GPALPP1: variants seen among roughly 807,000 people sequenced by gnomAD.
GPALPP1 encodes GPALPP motifs containing 1, also known as GPALPP motifs-containing protein 1.
In GPALPP1, 30 loss-of-function variants were observed where a neutral mutation model predicts 38.9. The observed-to-expected ratio is 0.77, with a 90% CI of 0.58 to 1.05. The LOEUF is 1.05. GPALPP1 is among the 50% of genes least tolerant of loss of function. The probability of loss-of-function intolerance (pLI) is 0.00; values close to 1 mark genes in which losing one functional copy is unlikely to be tolerated. For missense variants in GPALPP1, 384 were observed against 408.8 expected (o/e 0.94, Z 0.52); for synonymous variants, 120 against 139.2 (o/e 0.86, Z 0.97).
intron 1 of GPALPP1, among the ~76,000 whole-genome samples, chr13:44,995,129 G>A (rs1215511498): frequency 6.8e-6 from 1 of 146,512 alleles, no homozygotes; most frequent in African/African-American, 2.6e-5. Flanking sequence ...TGGGATTACA[G>A]GCGTGAGCCA....
intron 1 of GPALPP1, among the ~76,000 whole-genome samples, chr13:44,998,795 C>G (rs991059562): frequency 3.9e-4 from 60 of 152,206 alleles, no homozygotes; most frequent in African/African-American, 1.4e-3. Context: ...TGTAAAGGAC[C>G]AGATAGTAAA....
chr13:45,024,279 T>TGTGTGTGTGC (rs1555257070), intron 7 of GPALPP1, among the ~76,000 whole-genome samples: 1 of 145,834 alleles, frequency 6.9e-6, no homozygotes, highest in East Asian at 2.2e-4. Flanking sequence ...TGTGTGTGTG[T>TGTGTGTGTGC]GTGTGTGTGT....
downstream of GPALPP1, chr13:45,030,692 A>G (rs757046648): frequency 6.6e-6 from 1 of 152,060 alleles, no homozygotes; most frequent in Non-Finnish European, 1.5e-5. Flanking sequence ...CCAAGACACA[A>G]ATTTTTAATG....
intron 4 of GPALPP1, 149 bp from the exon 5 acceptor site, chr13:45,014,803 C>A: frequency 1.8e-6 from 1 of 565,916 alleles, no homozygotes. Context: ...GGAAAAAGTC[C>A]TCATGGTTCA....
chr13:45,016,582 T>C (rs1245682885), intron 6 of GPALPP1, among the ~76,000 whole-genome samples: 1 of 152,260 alleles, frequency 6.6e-6, no homozygotes, highest in Non-Finnish European at 1.5e-5. Context: ...GTATCCCCAG[T>C]ACTACTCCTT....
intron 5 of GPALPP1, 29 bp downstream of exon 5, chr13:45,015,112 C>T: frequency 7.2e-7 from 1 of 1,381,868 alleles, no homozygotes; most frequent in South Asian, 1.3e-5. Context: ...TTAAGAAATA[C>T]ACTAAATAGA....
intron 1 of GPALPP1, among the ~76,000 whole-genome samples, chr13:44,991,676 G>A (rs188273260): frequency 2.0e-5 from 3 of 152,182 alleles, no homozygotes; most frequent in East Asian, 3.9e-4. Flanking sequence ...CAGTACCAAT[G>A]GCCTTCACAT....
At chr13:44,991,602 C>T (rs974356898) in intron 1 of GPALPP1, among the ~76,000 whole-genome samples, 3 of 152,332 alleles carry the variant, frequency 2.0e-5, no homozygotes, top group Admixed American at 6.5e-5. Context: ...GAACCTAAAA[C>T]GGTTGCCAAA....
intron 1 of GPALPP1, among the ~76,000 whole-genome samples, chr13:44,997,876 G>A (rs959767356): frequency 6.6e-6 from 1 of 152,064 alleles, no homozygotes; most frequent in African/African-American, 2.4e-5. Flanking sequence ...TACCCCTTGT[G>A]AGCCTACAGC....
intron 1 of GPALPP1, among the ~76,000 whole-genome samples, chr13:44,995,916 T>G (rs529619361): frequency 6.6e-6 from 1 of 152,226 alleles, no homozygotes; most frequent in East Asian, 1.9e-4. Flanking sequence ...CTATCTGTAG[T>G]TATTGTGCTG....
intron 4 of GPALPP1, among the ~76,000 whole-genome samples, chr13:45,012,338 G>GA (rs773041647): frequency 3.3e-5 from 5 of 151,882 alleles, no homozygotes; most frequent in East Asian, 1.9e-4. Flanking sequence ...AAATGGTTCT[G>GA]AAAAAAAGTG....
intron 1 of GPALPP1, among the ~76,000 whole-genome samples, chr13:44,997,149 C>G (rs2137955060): frequency 6.6e-6 from 1 of 151,214 alleles, no homozygotes; most frequent in Non-Finnish European, 1.5e-5. Context: ...AAGTTTCATC[C>G]ATGTGGTAGC....
At chr13:45,019,034 CATAGAAAT>C (rs1566082002) in intron 6 of GPALPP1, among the ~76,000 whole-genome samples, 12 of 12,408 alleles carry the variant, frequency 9.7e-4, no homozygotes, top group Non-Finnish European at 1.8e-3. Context: ...TAAATATATA[CATAGAAAT>C]ATATAAATAT....
chr13:45,021,680 TAAACTTTGCATCA>T (rs577000942), intron 7 of GPALPP1, among the ~76,000 whole-genome samples: 1 of 151,620 alleles, frequency 6.6e-6, no homozygotes, highest in African/African-American at 2.4e-5. Context: ...ACTCAAAATT[TAAACTTTGCATCA>T]AAGAAAAAAT....
chr13:45,025,096 G>A (rs1161674911), intron 7 of GPALPP1, among the ~76,000 whole-genome samples: 1 of 152,084 alleles, frequency 6.6e-6, no homozygotes, highest in African/African-American at 2.4e-5. Flanking sequence ...ATTCATCCAT[G>A]TAACCAAAAA....
At chr13:44,990,017 C>T (rs1371245914) in intron 1 of GPALPP1, 4 of 541,286 alleles carry the variant, frequency 7.4e-6, no homozygotes, top group Admixed American at 3.5e-5. Context: ...CTGACTGATA[C>T]CCACTCAGTC....
At chr13:45,023,703 A>G (rs945362182) in intron 7 of GPALPP1, among the ~76,000 whole-genome samples, 2 of 152,158 alleles carry the variant, frequency 1.3e-5, no homozygotes, top group African/African-American at 2.4e-5. Flanking sequence ...TAGCCTGTCA[A>G]CCTTCATCAT....
intron 1 of GPALPP1, among the ~76,000 whole-genome samples, chr13:44,996,514 C>G (rs1873287025): frequency 6.6e-6 from 1 of 150,384 alleles, no homozygotes; most frequent in African/African-American, 2.4e-5. Context: ...TAAACAGCAT[C>G]TCACTGTCAT....
intron 7 of GPALPP1, among the ~76,000 whole-genome samples, chr13:45,020,905 G>A (rs1875382121): frequency 6.6e-6 from 1 of 152,068 alleles, no homozygotes; most frequent in African/African-American, 2.4e-5. Flanking sequence ...ATTAGAGATA[G>A]GTAGCACTTG....
Sources: gnomAD v4.1 joint callset for allele counts (sites outside exome capture counted in the v4.1 genomes callset) on GRCh38, gnomAD v4.1.1 for gene constraint, MANE v1.5 for transcripts, NCBI Gene and HGNC (gene_info 2026-07-23, HGNC 2026-07-21) for gene names.